Variants in BCKDHB observed in about 807,000 individuals in gnomAD.
The protein encoded by BCKDHB is branched chain keto acid dehydrogenase E1 subunit beta, also known as 2-oxoisovalerate dehydrogenase subunit beta, mitochondrial.
A neutral mutation model predicts 48.5 loss-of-function variants in BCKDHB; 41 were observed. The observed-to-expected ratio is 0.85, with a 90% CI of 0.66 to 1.10. The LOEUF (loss-of-function observed/expected upper bound fraction) is 1.10, where lower values mean the gene tolerates loss of function less well. Among genes scored for constraint, BCKDHB ranks in the 50% least tolerant of loss-of-function variants. The pLI, the probability that BCKDHB is intolerant of heterozygous loss-of-function variation, is 0.00. For missense variants in BCKDHB, 496 were observed against 494.2 expected, an observed-to-expected ratio of 1.00 and a Z score of -0.03; for synonymous variants, 201 against 174.8, an observed-to-expected ratio of 1.15 and a Z score of -1.18.
intron 8 of BCKDHB, among the ~76,000 whole-genome samples, chr6:80,242,200 TA>T (rs1776418262): frequency 6.6e-6 from 1 of 152,198 alleles, no homozygotes; most frequent in Admixed American, 6.5e-5. Context: ...CTTAGGTCTC[TA>T]GTCACCTTTA....
intron 8 of BCKDHB, among the ~76,000 whole-genome samples, chr6:80,220,195 A>G (rs181182801): frequency 1.3e-5 from 2 of 150,566 alleles, no homozygotes; most frequent in East Asian, 3.9e-4. Context: ...GTGTTTTTAC[A>G]GTGTTTTGCA....
chr6:80,125,559 C>A (rs550628749), intron 1 of BCKDHB, among the ~76,000 whole-genome samples: 1 of 152,232 alleles, frequency 6.6e-6, no homozygotes, highest in East Asian at 1.9e-4. Context: ...TTCTAACTTA[C>A]GATTTAAAGT....
chr6:80,437,026 A>G, the BCKDHB span, among the ~76,000 whole-genome samples: 1 of 152,182 alleles, frequency 6.6e-6, no homozygotes, highest in Admixed American at 6.5e-5. Context: ...ACTCACCCAT[A>G]ATATTATTAG....
At chr6:80,123,311 T>A (rs921705295) in intron 1 of BCKDHB, among the ~76,000 whole-genome samples, 1 of 152,178 alleles carries the variant, frequency 6.6e-6, no homozygotes, top group African/African-American at 2.4e-5. Context: ...GATAACAGAA[T>A]TAAGAGATTA....
chr6:80,216,112 G>C (rs1406295112), intron 8 of BCKDHB, among the ~76,000 whole-genome samples: 1 of 152,198 alleles, frequency 6.6e-6, no homozygotes, highest in Non-Finnish European at 1.5e-5. Context: ...CATATGTTAT[G>C]CATGTTTCCT....
intron 8 of BCKDHB, among the ~76,000 whole-genome samples, chr6:80,265,315 A>G (rs1268575093): frequency 6.6e-6 from 1 of 152,144 alleles, no homozygotes; most frequent in Non-Finnish European, 1.5e-5. Context: ...GCATCCATTG[A>G]TAGATGAATG....
chr6:80,168,399 A>G, intron 4 of BCKDHB, among the ~76,000 whole-genome samples: 1 of 97,452 alleles, frequency 1.0e-5, no homozygotes, highest in African/African-American at 4.0e-5. Context: ...TCAAAAAGAA[A>G]GAAGGGAAGG....
intron 1 of BCKDHB, among the ~76,000 whole-genome samples, chr6:80,113,285 C>G (rs373684784): frequency 5.3e-5 from 8 of 152,330 alleles, no homozygotes; most frequent in African/African-American, 1.2e-4. Flanking sequence ...GCAGCTATCC[C>G]CCTTGGCCTT....
At chr6:80,126,207 G>A (rs575753079) in intron 1 of BCKDHB, among the ~76,000 whole-genome samples, 1 of 152,280 alleles carries the variant, frequency 6.6e-6, no homozygotes, top group African/African-American at 2.4e-5. Context: ...ACTGGGGATT[G>A]CCAAGACCTG....
chr6:80,359,878 C>T, the BCKDHB span, among the ~76,000 whole-genome samples: 1 of 152,202 alleles, frequency 6.6e-6, no homozygotes, highest in African/African-American at 2.4e-5. Flanking sequence ...GTGTGAGCCA[C>T]TGCGCCTGGC....
the BCKDHB span, among the ~76,000 whole-genome samples, chr6:80,378,050 A>G: frequency 6.6e-6 from 1 of 151,996 alleles, no homozygotes; most frequent in African/African-American, 2.4e-5. Context: ...TGATAAATTT[A>G]CTGCAAAATT....
chr6:80,282,454 T>G (rs1183306425), intron 9 of BCKDHB, among the ~76,000 whole-genome samples: 1 of 152,140 alleles, frequency 6.6e-6, no homozygotes, highest in Non-Finnish European at 1.5e-5. Flanking sequence ...AAATATGTAT[T>G]CATCTCAGTG....
chr6:80,186,951 C>T (rs953958464), intron 6 of BCKDHB, among the ~76,000 whole-genome samples: 1 of 152,216 alleles, frequency 6.6e-6, no homozygotes, highest in Non-Finnish European at 1.5e-5. Flanking sequence ...TGGGAACTTA[C>T]AGTTTTTCAG....
intron 9 of BCKDHB, chr6:80,307,560 A>G: frequency 1.0e-6 from 1 of 984,570 alleles, no homozygotes; most frequent in Non-Finnish European, 1.2e-6. Context: ...GGGTCCATGA[A>G]TGACTAAAAA....
At chr6:80,395,430 G>T in the BCKDHB span, among the ~76,000 whole-genome samples, 3 of 152,202 alleles carry the variant, frequency 2.0e-5, no homozygotes, top group African/African-American at 7.2e-5. Flanking sequence ...TTGGGAACTG[G>T]AGTAAAGATG....
intron 8 of BCKDHB, among the ~76,000 whole-genome samples, chr6:80,239,068 C>T (rs1373099005): frequency 6.6e-6 from 1 of 152,140 alleles, no homozygotes; most frequent in Non-Finnish European, 1.5e-5. Flanking sequence ...CATACGTGTG[C>T]ATGTGTCTTT....
At chr6:80,316,697 AAACTG>A in intron 9 of BCKDHB, among the ~76,000 whole-genome samples, 1 of 152,312 alleles carries the variant, frequency 6.6e-6, no homozygotes, top group South Asian at 2.1e-4. Context: ...AAATGAGAGG[AAACTG>A]ATCTCATTTG....
At chr6:80,410,824 A>G in the BCKDHB span, among the ~76,000 whole-genome samples, 211 of 152,182 alleles carry the variant, frequency 1.4e-3, no homozygotes, top group African/African-American at 4.8e-3. Flanking sequence ...TACACTGTTT[A>G]TTCTAGTTAG....
At chr6:80,172,479 C>G (rs1469413545) in intron 6 of BCKDHB, among the ~76,000 whole-genome samples, 2 of 151,710 alleles carry the variant, frequency 1.3e-5, no homozygotes, top group Non-Finnish European at 2.9e-5. Flanking sequence ...AATAATTTTT[C>G]TTGTTATTCT....
Sources: gnomAD v4.1 joint callset for allele counts (sites outside exome capture counted in the v4.1 genomes callset) on GRCh38, gnomAD v4.1.1 for gene constraint, MANE v1.5 for transcripts, NCBI Gene and HGNC (gene_info 2026-07-23, HGNC 2026-07-21) for gene names.